ZMYM4: variants seen among roughly 807,000 people sequenced by gnomAD.
ZMYM4 encodes zinc finger MYM-type containing 4.
In ZMYM4, 31 loss-of-function variants were observed where a neutral mutation model predicts 183.2. The ratio of observed to expected loss-of-function variants is 0.17; its 90% CI spans 0.13 to 0.23. The LOEUF is 0.23. Among genes scored for constraint, ZMYM4 ranks in the 10% least tolerant of loss-of-function variants. The pLI, the probability that ZMYM4 is intolerant of heterozygous loss-of-function variation, is 1.00. For missense variants in ZMYM4, 1,273 were observed against 1,840.3 expected, an observed-to-expected ratio of 0.69 and a Z score of 5.64; for synonymous variants, 592 against 631.2, an observed-to-expected ratio of 0.94 and a Z score of 0.93.
At chr1:35,317,889 A>G (rs1642117629) in intron 1 of ZMYM4, among the ~76,000 whole-genome samples, 1 of 152,206 alleles carries the variant, frequency 6.6e-6, no homozygotes, top group Non-Finnish European at 1.5e-5. Context: ...AGACAAACTT[A>G]CAAACATAAA....
At chr1:35,317,171 G>A (rs1218901303) in intron 1 of ZMYM4, among the ~76,000 whole-genome samples, 3 of 150,282 alleles carry the variant, frequency 2.0e-5, no homozygotes, top group Admixed American at 1.3e-4. Context: ...GGTGGCTCAC[G>A]CCTGTAATCC....
chr1:35,299,424 G>T (rs1281550461), intron 1 of ZMYM4, among the ~76,000 whole-genome samples: 2 of 152,118 alleles, frequency 1.3e-5, no homozygotes, highest in Admixed American at 1.3e-4. Flanking sequence ...TGGAGCATAG[G>T]GGCTCAAGGG....
chr1:35,269,390 CATCTTT>C (rs1639481726), intron 1 of ZMYM4, among the ~76,000 whole-genome samples: 1 of 26,342 alleles, frequency 3.8e-5, no homozygotes, highest in Non-Finnish European at 9.5e-4. Context: ...TTCTTAAGTG[CATCTTT>C]AGTGCATCTT....
intron 1 of ZMYM4, among the ~76,000 whole-genome samples, chr1:35,285,795 T>G (rs752056047): frequency 8.5e-5 from 13 of 152,212 alleles, no homozygotes; most frequent in Non-Finnish European, 1.8e-4. Context: ...GAGGAATGAC[T>G]AAATCATCTC....
chr1:35,321,938 A>G (rs926881929), intron 1 of ZMYM4, among the ~76,000 whole-genome samples: 15 of 152,136 alleles, frequency 9.9e-5, no homozygotes, highest in Non-Finnish European at 1.6e-4. Context: ...TATACAGATG[A>G]CAACTGCAAT....
intron 1 of ZMYM4, among the ~76,000 whole-genome samples, chr1:35,287,555 C>CCT (rs1403310295): frequency 2.0e-5 from 3 of 151,506 alleles, no homozygotes; most frequent in African/African-American, 7.3e-5. Flanking sequence ...CACCTAGTGC[C>CCT]CTCCCCTTCT....
At chr1:35,318,385 G>A (rs565010688) in intron 1 of ZMYM4, among the ~76,000 whole-genome samples, 2 of 152,106 alleles carry the variant, frequency 1.3e-5, no homozygotes, top group South Asian at 4.1e-4. Flanking sequence ...TGGAAAAGTT[G>A]CTTATTCTGT....
At position 35,389,969 on chromosome 1, in the gene ZMYM4, A is replaced by G. The variant is rs1045897261; in HGVS notation, c.2458A>G (p.Lys820Glu). 6.2e-7 allele frequency: 1 copy of G among 1,610,288 alleles called. No homozygotes were observed. The highest frequency in any genetic ancestry group is 8.5e-7 in the Non-Finnish European group (1 of 1,177,758). The change falls in exon 15 of 30, where the codon AAG (lysine) becomes GAG (glutamate). Residue 820 changes from lysine (K) to glutamate (E), a missense_variant. This residue lies in a region of ZMYM4 where 319 missense variants were observed against 518.1 expected (regional missense o/e 0.62). Coordinates refer to ENST00000314607, the MANE Select transcript of ZMYM4 (RefSeq NM_005095.3). The surrounding 1 kb of genome is among the most constrained non-coding windows in gnomAD (Gnocchi z 4.0). Reference sequence around the variant, plus strand: ...TTAGATGGCCAAATGTGATGCTTGTAAGCGACAGGGTAAACTCAGTGAGTC... The same window carrying G: ...TTAGATGGCCAAATGTGATGCTTGTGAGCGACAGGGTAAACTCAGTGAGTC... ...FYQMAKCDACKRQGKLSESLK... is the reference protein window; with the variant it reads ...FYQMAKCDACERQGKLSESLK...
intron 2 of ZMYM4, among the ~76,000 whole-genome samples, chr1:35,339,240 C>CTT (rs797007246): frequency 1.4e-3 from 204 of 147,516 alleles, no homozygotes; most frequent in African/African-American, 4.8e-3. Context: ...ACATTATATT[C>CTT]TTTTTTTTTT....
In ZMYM4 at chr1:35,308,823, T is replaced by A. The variant is rs369127993; in HGVS notation, c.40-16537T>A. Among the ~76,000 whole-genome samples the A allele has an allele frequency of 7.9e-5, 12 of 152,280 alleles. No individual in the cohort carries two copies. In the East Asian group the frequency reaches 1.9e-3, roughly 25 times the overall value. On this transcript the variant is annotated intron_variant, in intron 1 of 29. Transcript: ENST00000314607. ...TTGCAGTGAGCCGAGATCATGCCAC[T>A]GCACTCCAGCCTGGGTGACAGAGTG...
intron 2 of ZMYM4, among the ~76,000 whole-genome samples, chr1:35,354,367 C>T (rs12089297): frequency 1.3e-5 from 2 of 152,094 alleles, no homozygotes; most frequent in Non-Finnish European, 2.9e-5. Context: ...CAGTCTTTTT[C>T]TGCTATAAAT....
At chr1:35,365,073 A>T (rs1219462673) in intron 5 of ZMYM4, among the ~76,000 whole-genome samples, 1 of 152,104 alleles carries the variant, frequency 6.6e-6, no homozygotes, top group Non-Finnish European at 1.5e-5. Flanking sequence ...ACAGTTACAG[A>T]TGCTTTTACA....
rs745397670 is a variant in ZMYM4 at position 35,361,660 on chromosome 1, G to A, written c.711G>A (p.Ser237=). ...TTGCCAATAAAGAATCCATTGGTTC[G>A]GAACTGGGGAATTCCTTTGCATCAA... The part of the protein sequence containing the change: ...YPFANKESIG[S]ELGNSFASNI... The change falls in exon 5 of 30, where the codon TCG becomes TCA. Residue 237 remains serine, a synonymous_variant. Transcript: ENST00000314607. 6 of 1,613,388 alleles carry A rather than the reference G, an allele frequency of 3.7e-6. No individual in the cohort carries two copies. The highest frequency in any genetic ancestry group is 1.7e-5 in the Admixed American group (1 of 59,932).
chr1:35,361,722 A>G lies in ZMYM4; in HGVS notation c.773A>G (p.Tyr258Cys), dbSNP rs545877863. 1.9e-6 allele frequency: 3 copies of G among 1,613,900 alleles called. No homozygotes were observed. In the South Asian group the frequency reaches 3.3e-5, roughly 18 times the overall value. Residue 258 changes from tyrosine (Y) to cysteine (C), a missense_variant, in exon 5 of 30, where the codon TAT (tyrosine) becomes TGT (cysteine). Around this residue, in one of 6 missense-constraint regions of ZMYM4, gnomAD observed 384 missense variants for 465.6 expected, o/e 0.82. Coordinates refer to ENST00000314607, the MANE Select transcript of ZMYM4 (RefSeq NM_005095.3). ...RIKEEPLDDE[Y>C]DKAMAPQQGL... ...AAAGAAGAACCTTTGGATGATGAGT[A>G]TGACAAAGCAATGGCACCACAGCAG...
intron 18 of ZMYM4, 56 bp from the exon 19 acceptor site, chr1:35,396,496 A>T (rs1644811162): frequency 4.4e-6 from 7 of 1,599,502 alleles, no homozygotes; most frequent in Non-Finnish European, 6.0e-6. Context: ...TTGAAATCTT[A>T]TGAAAGCATT....
chr1:35,408,024 G>A lies in ZMYM4; in HGVS notation c.3813G>A (p.Leu1271=). The change falls in exon 26 of 30, where the codon CTG becomes CTA. Residue 1271 remains leucine, a synonymous_variant. Coordinates refer to ENST00000314607, the MANE Select transcript of ZMYM4 (RefSeq NM_005095.3). ...TTTCCACAGTCCGCTCTATCAAGCT[G>A]AAGGAAGACATTCTGTCCTGCACTT... is the stretch of plus-strand genomic sequence containing the variant. ...EPGCRVRSIK[L]KEDILSCTFA... The A allele has an allele frequency of 2.5e-6, 4 of 1,614,200 alleles. No homozygotes were observed. The highest frequency in any genetic ancestry group is 3.4e-6 in the Non-Finnish European group (4 of 1,180,024).
At position 35,415,653 on chromosome 1, in the gene ZMYM4, C is replaced by T; in HGVS notation, c.4248C>T (p.Tyr1416=). The T allele has an allele frequency of 6.2e-7, 1 of 1,614,098 alleles. No homozygotes were observed. Among genetic ancestry groups the T allele is most frequent in the Non-Finnish European group, 8.5e-7 (1 of 1,180,024 alleles). ...TGAGACGGACCAGGACTCTGAAGTA[C>T]AGTACCAAGATGACATATCTGAGGT... The part of the protein sequence containing the change: ...HVMRRTRTLK[Y]STKMTYLRFF... Residue 1416 remains tyrosine (Y), a synonymous_variant, in exon 28 of 30, where the codon TAC becomes TAT. Transcript: ENST00000314607.
chr1:35,409,033 A>G (rs536574631), intron 26 of ZMYM4, among the ~76,000 whole-genome samples: 11 of 152,192 alleles, frequency 7.2e-5, no homozygotes, highest in Admixed American at 6.5e-4. Context: ...TTCACACACT[A>G]TGTGGCCTTT....
intron 2 of ZMYM4, among the ~76,000 whole-genome samples, chr1:35,345,598 C>G (rs984365981): frequency 6.6e-6 from 1 of 151,974 alleles, no homozygotes; most frequent in East Asian, 1.9e-4. Context: ...CTGGTGCATG[C>G]CACTTCACCG....
Sources: gnomAD v4.1 joint callset for allele counts (sites outside exome capture counted in the v4.1 genomes callset) on GRCh38, gnomAD v4.1.1 for gene constraint, gnomAD v4.1.1 regional missense constraint, Gnocchi (gnomAD v3.1) non-coding constraint, MANE v1.5 for transcripts, NCBI Gene and HGNC (gene_info 2026-07-23, HGNC 2026-07-21) for gene names.